NPAS3: variants seen among roughly 807,000 people sequenced by gnomAD.
NPAS3 encodes neuronal PAS domain protein 3.
In NPAS3, 14 loss-of-function variants were observed where a neutral mutation model predicts 73.1. The ratio of observed to expected loss-of-function variants is 0.19; its 90% CI spans 0.13 to 0.30. The LOEUF (loss-of-function observed/expected upper bound fraction) is 0.30. NPAS3 is among the 10% of genes least tolerant of loss of function. The probability of loss-of-function intolerance (pLI) is 1.00; values close to 1 mark genes in which losing one functional copy is unlikely to be tolerated. For missense variants in NPAS3, 1,096 were observed against 1,250.0 expected, an observed-to-expected ratio of 0.88 and a Z score of 1.86; for synonymous variants, 620 against 541.5, an observed-to-expected ratio of 1.14 and a Z score of -2.01.
intron 4 of NPAS3, among the ~76,000 whole-genome samples, chr14:33,496,687 A>C (rs1300181927): frequency 2.0e-5 from 3 of 152,178 alleles, no homozygotes; most frequent in Non-Finnish European, 4.4e-5. Context: ...CTAGGTTTTG[A>C]TGGAATGTAT....
chr14:33,700,982 C>A (rs1442282009), intron 6 of NPAS3, among the ~76,000 whole-genome samples: 1 of 152,166 alleles, frequency 6.6e-6, no homozygotes, highest in African/African-American at 2.4e-5. Context: ...ACATTCCTGA[C>A]TTTAGTGGAG....
At chr14:33,383,139 A>C (rs1289734974) in intron 4 of NPAS3, among the ~76,000 whole-genome samples, 1 of 151,168 alleles carries the variant, frequency 6.6e-6, no homozygotes, top group South Asian at 2.1e-4. Flanking sequence ...ACATGCATGC[A>C]CCCATGTGTG....
intron 4 of NPAS3, among the ~76,000 whole-genome samples, chr14:33,473,426 T>G (rs916689418): frequency 2.6e-5 from 4 of 152,184 alleles, no homozygotes; most frequent in Admixed American, 6.6e-5. Flanking sequence ...GCGGATCACC[T>G]AATTGGAATG....
At chr14:33,638,431 T>C (rs1221515680) in intron 5 of NPAS3, among the ~76,000 whole-genome samples, 1 of 152,228 alleles carries the variant, frequency 6.6e-6, no homozygotes, top group East Asian at 1.9e-4. Flanking sequence ...ATCTACGTGA[T>C]GTTGGATAAA....
At chr14:33,198,499 A>C (rs1467458300) in intron 2 of NPAS3, among the ~76,000 whole-genome samples, 1 of 152,106 alleles carries the variant, frequency 6.6e-6, no homozygotes, top group Non-Finnish European at 1.5e-5. Context: ...CACCAGATTA[A>C]CTAGACACAG....
intron 2 of NPAS3, among the ~76,000 whole-genome samples, chr14:33,180,672 G>A (rs1045384148): frequency 2.0e-5 from 3 of 151,790 alleles, no homozygotes; most frequent in Non-Finnish European, 4.4e-5. Context: ...GGTGGTGGGC[G>A]CCTGTAATCC....
chr14:33,560,585 C>T (rs546965782), intron 5 of NPAS3, among the ~76,000 whole-genome samples: 1 of 152,230 alleles, frequency 6.6e-6, no homozygotes, highest in South Asian at 2.1e-4. Flanking sequence ...CCTGCATTAT[C>T]CTGGGAGCTG....
Position 33,798,358 on chromosome 14 carries a change from C to T in NPAS3, c.1426+777C>T, listed in dbSNP as rs1169659464. Among the ~76,000 whole-genome samples the T allele has an allele frequency of 2.0e-5, 3 of 152,130 alleles. No individual in the cohort carries two copies. The East Asian group carries it at 5.8e-4, about 29-fold the overall frequency. On this transcript the variant is annotated intron_variant, in intron 11 of 11. Coordinates refer to ENST00000356141, the Ensembl canonical transcript of NPAS3. ...CAGAGACACACATAAGGCCAGGGAG[C>T]ACTAAACTTGTAGGATTTTTACAGC...
chr14:33,564,089 A>C (rs1455839120), intron 5 of NPAS3, among the ~76,000 whole-genome samples: 2 of 152,206 alleles, frequency 1.3e-5, no homozygotes, highest in Non-Finnish European at 2.9e-5. Context: ...AATAATGTCA[A>C]AATAGAACTA....
intron 4 of NPAS3, among the ~76,000 whole-genome samples, chr14:33,453,166 A>AG (rs1278114975): frequency 1.3e-5 from 2 of 152,124 alleles, no homozygotes; most frequent in African/African-American, 4.8e-5. Context: ...CTGCTCAGTG[A>AG]GGTGAAGAGT....
intron 1 of NPAS3, among the ~76,000 whole-genome samples, chr14:33,020,523 G>A (rs536378117): frequency 1.3e-5 from 2 of 152,250 alleles, no homozygotes; most frequent in South Asian, 2.1e-4. Flanking sequence ...GATAAATGGT[G>A]GTGAATCATA....
chr14:33,770,411 TG>T (rs1325415182), intron 7 of NPAS3, among the ~76,000 whole-genome samples: 1 of 152,200 alleles, frequency 6.6e-6, no homozygotes, highest in Non-Finnish European at 1.5e-5. Flanking sequence ...CCCCCTTTCT[TG>T]ATCAGATACT....
intron 3 of NPAS3, among the ~76,000 whole-genome samples, chr14:33,240,137 T>C (rs2048168638): frequency 6.6e-6 from 1 of 151,878 alleles, no homozygotes; most frequent in Non-Finnish European, 1.5e-5. Context: ...GAAGGATGCA[T>C]GTAAGAGAGA....
intron 7 of NPAS3, among the ~76,000 whole-genome samples, chr14:33,754,869 C>T (rs1172677789): frequency 6.6e-6 from 1 of 152,174 alleles, no homozygotes; most frequent in Non-Finnish European, 1.5e-5. Context: ...CTACATTTCT[C>T]GCTGGACTGT....
rs2046737040 is a variant in NPAS3, at chr14:33,385,434, A to G, written c.468+18166A>G. On this transcript the variant is annotated intron_variant, in intron 4 of 11. Transcript: ENST00000356141. ...TTTAGACCCTGCACCCTATGTTTCTATTCAATGGAGTTAAAACAAACAAAA... is the reference window on the plus strand; with the variant it reads ...TTTAGACCCTGCACCCTATGTTTCTGTTCAATGGAGTTAAAACAAACAAAA... Among the ~76,000 whole-genome samples the G allele has an allele frequency of 2.6e-5, 4 of 152,296 alleles. No individual in the cohort carries two copies. In the South Asian group the frequency reaches 6.2e-4, roughly 24 times the overall value.
At chr14:33,305,074 G>A (rs538185065) in intron 3 of NPAS3, among the ~76,000 whole-genome samples, 36 of 152,170 alleles carry the variant, frequency 2.4e-4, no homozygotes, top group African/African-American at 8.7e-4. Context: ...TGGAGAAAGG[G>A]AAGGATTTGA....
chr14:33,282,726 G>A (rs2041678232), intron 3 of NPAS3, among the ~76,000 whole-genome samples: 1 of 152,148 alleles, frequency 6.6e-6, no homozygotes, highest in Admixed American at 6.5e-5. Flanking sequence ...CCTGGAGCGG[G>A]ACTGAATAGG....
At position 33,586,071 on chromosome 14, in the gene NPAS3, G is replaced by A. The variant is rs2139911138; in HGVS notation, c.558+25861G>A. On this transcript the variant is annotated intron_variant, in intron 5 of 11. Coordinates refer to ENST00000356141, the Ensembl canonical transcript of NPAS3. The stretch of plus-strand genomic sequence containing the variant: ...AGGCACCTAGCAAGGGAACTAGGGA[G>A]TTATCTGTTAAGAGACAATCATAAA... The A allele has an allele frequency of 2.6e-5, 4 of 152,062 alleles. No individual in the cohort carries two copies. The South Asian group carries it at 8.3e-4, about 32-fold the overall frequency. The allele number at this position is 152,062 out of a possible 1,614,324, so 9.4% of individuals were successfully genotyped here.
chr14:32,972,761 G>C (rs372548806), intron 1 of NPAS3, among the ~76,000 whole-genome samples: 4 of 152,158 alleles, frequency 2.6e-5, no homozygotes, highest in African/African-American at 9.7e-5. Flanking sequence ...CATTTTGTTA[G>C]AAGAGTCATC....
Sources: gnomAD v4.1 joint callset for allele counts (sites outside exome capture counted in the v4.1 genomes callset) on GRCh38, gnomAD v4.1.1 for gene constraint, MANE v1.5 for transcripts, NCBI Gene and HGNC (gene_info 2026-07-23, HGNC 2026-07-21) for gene names.